ARHGEF12: variants seen among roughly 807,000 people sequenced by gnomAD.
ARHGEF12 encodes KMT2A/ARHGEF12 fusion protein.
In ARHGEF12, 66 loss-of-function variants were observed where a neutral mutation model predicts 211.2. The observed-to-expected ratio is 0.31, with a 90% CI of 0.26 to 0.38. The LOEUF (loss-of-function observed/expected upper bound fraction) is 0.38. Ranked by LOEUF, ARHGEF12 falls within the 10% of genes least tolerant of loss-of-function variation. The pLI, the probability that ARHGEF12 is intolerant of heterozygous loss-of-function variation, is 1.00. For missense variants in ARHGEF12, 1,429 were observed against 1,869.5 expected, an observed-to-expected ratio of 0.76 and a Z score of 4.34; for synonymous variants, 592 against 638.4, an observed-to-expected ratio of 0.93 and a Z score of 1.09.
chr11:120,358,280 A>G (rs4938802), intron 1 of ARHGEF12, among the ~76,000 whole-genome samples: 29,485 of 152,074 alleles, frequency 0.19, 3,052 homozygotes, highest in African/African-American at 0.24. Flanking sequence ...GCGAAGAGAC[A>G]AAGTTATTAA....
chr11:120,441,567 A>G (rs1383382303), intron 13 of ARHGEF12, 140 bp from the exon 14 acceptor site: 28 of 612,794 alleles, frequency 4.6e-5, no homozygotes, highest in Middle Eastern at 3.9e-4. Flanking sequence ...TTGCTAATAA[A>G]TTTTAGTGAA....
intron 1 of ARHGEF12, among the ~76,000 whole-genome samples, chr11:120,352,260 A>T (rs1438390211): frequency 6.6e-6 from 1 of 152,220 alleles, no homozygotes; most frequent in Admixed American, 6.5e-5. Flanking sequence ...ATATATACAC[A>T]TCTGTAAACA....
chr11:120,365,813 C>T (rs563150008), intron 1 of ARHGEF12: 1 of 152,292 alleles, frequency 6.6e-6, no homozygotes, highest in Non-Finnish European at 1.5e-5. Context: ...AAAAGGGCAC[C>T]TCCCAAGTAG....
intron 1 of ARHGEF12, among the ~76,000 whole-genome samples, chr11:120,395,784 AC>A (rs1273677499): frequency 6.6e-6 from 1 of 151,598 alleles, no homozygotes; most frequent in Non-Finnish European, 1.5e-5. Flanking sequence ...TGATTCAATT[AC>A]CTCCCACCAG....
Position 120,437,389 on chromosome 11 carries a change from A to G in ARHGEF12, c.999+7A>G, listed in dbSNP as rs747906162. 6.2e-7 allele frequency: 1 copy of G among 1,606,276 alleles called. No individual in the cohort carries two copies. Among genetic ancestry groups the G allele is most frequent in the Non-Finnish European group, 8.5e-7 (1 of 1,174,490 alleles). On this transcript the variant is annotated splice_region_variant and intron_variant, in intron 12 of 40. Coordinates refer to ENST00000397843, the MANE Select transcript of ARHGEF12 (RefSeq NM_015313.3). ...TGAAACAATTCAGGACACTGTGAGT[A>G]TGAAATCCATGCAATGATAGTGCTG...
At chr11:120,396,299 A>G (rs1457072887) in intron 1 of ARHGEF12, among the ~76,000 whole-genome samples, 1 of 152,230 alleles carries the variant, frequency 6.6e-6, no homozygotes. Context: ...TTCAAATAGT[A>G]TACGTAGATT....
chr11:120,446,989 T>C lies in ARHGEF12; in HGVS notation c.1493T>C (p.Leu498Pro). 6.2e-7 allele frequency: 1 copy of C among 1,614,176 alleles called. No homozygotes were observed. Among genetic ancestry groups the C allele is most frequent in the Non-Finnish European group, 8.5e-7 (1 of 1,180,018 alleles). The change falls in exon 18 of 41, where the codon CTG becomes CCG. Residue 498 changes from leucine (L) to proline (P), a missense_variant. Leu to Pro is a moderately conservative substitution (Grantham distance 98). Transcript: ENST00000397843. ...SMGLTLAESELTKLDAERDKD... is the reference protein window; with the variant it reads ...SMGLTLAESEPTKLDAERDKD... ...GGACTGACCTTGGCTGAAAGCGAGC[T>C]GACTAAACTTGATGCAGAGCGAGAC...
rs181828083 is a variant in ARHGEF12 at position 120,445,192 on chromosome 11, C to A, written c.1303-230C>A. On this transcript the variant is annotated intron_variant, in intron 15 of 40. Coordinates refer to ENST00000397843, the MANE Select transcript of ARHGEF12 (RefSeq NM_015313.3). ...AGAAGCATTCAGTCATCTAGCTAAA[C>A]GACTGTAGACTTTTCCTTTATAGCA... 5.3e-5 allele frequency among the ~76,000 whole-genome samples: 8 copies of A among 152,260 alleles called. No homozygotes were observed. The East Asian group carries it at 1.5e-3, about 29-fold the overall frequency.
chr11:120,443,195 T>C (rs1945935784), intron 15 of ARHGEF12, among the ~76,000 whole-genome samples: 1 of 152,042 alleles, frequency 6.6e-6, no homozygotes, highest in South Asian at 2.1e-4. Flanking sequence ...CTAATTTTTG[T>C]ATTTTGTAGA....
chr11:120,408,051 A>G, intron 3 of ARHGEF12: 1 of 389,744 alleles, frequency 2.6e-6, no homozygotes, highest in Non-Finnish European at 4.5e-6. Flanking sequence ...AGTATATTGT[A>G]TCTTTAAATA....
intron 1 of ARHGEF12, among the ~76,000 whole-genome samples, chr11:120,391,664 C>T (rs371923070): frequency 6.6e-6 from 1 of 152,308 alleles, no homozygotes; most frequent in Admixed American, 6.5e-5. Flanking sequence ...TACCAGATTG[C>T]CTCTCAGTAT....
chr11:120,455,495 A>G (rs375454590), intron 22 of ARHGEF12, among the ~76,000 whole-genome samples: 1 of 152,234 alleles, frequency 6.6e-6, no homozygotes, highest in African/African-American at 2.4e-5. Context: ...CTATTCATCA[A>G]ATATGAAGAA....
chr11:120,345,490 TC>T (rs1486520832), intron 1 of ARHGEF12, among the ~76,000 whole-genome samples: 1 of 151,722 alleles, frequency 6.6e-6, no homozygotes, highest in African/African-American at 2.4e-5. Flanking sequence ...GTTCAGGAGG[TC>T]AGGAGATCAA....
At chr11:120,412,725 A>T (rs563517405) in intron 4 of ARHGEF12, among the ~76,000 whole-genome samples, 1 of 152,304 alleles carries the variant, frequency 6.6e-6, no homozygotes, top group Admixed American at 6.5e-5. Context: ...ACTGGAGTTC[A>T]TCATTGTTCT....
chr11:120,391,663 G>T (rs1226347337), intron 1 of ARHGEF12, among the ~76,000 whole-genome samples: 1 of 152,328 alleles, frequency 6.6e-6, no homozygotes, highest in Admixed American at 6.5e-5. Flanking sequence ...TTACCAGATT[G>T]CCTCTCAGTA....
intron 1 of ARHGEF12, among the ~76,000 whole-genome samples, chr11:120,347,151 C>CTTTCTTTCTTTCTTTCTTTCTCT (rs1296663235): frequency 1.7e-5 from 1 of 58,512 alleles, no homozygotes; most frequent in African/African-American, 8.4e-5. Flanking sequence ...TTCCTTCCTT[C>CTTTCTTTCTTTCTTTCTTTCTCT]CTTCCTTCCT....
At chr11:120,459,370 A>G in intron 26 of ARHGEF12, 50 bp downstream of exon 26, 1 of 1,574,826 alleles carries the variant, frequency 6.3e-7, no homozygotes, top group Non-Finnish European at 8.6e-7. Context: ...CAATAGAGAA[A>G]AGATTGTGAG....
rs368721557 is a variant in ARHGEF12 at position 120,489,561 on chromosome 11, C to T, written c.*4484C>T. On this transcript the variant is annotated 3_prime_UTR_variant, in exon 41 of 41. Coordinates refer to ENST00000397843, the MANE Select transcript of ARHGEF12 (RefSeq NM_015313.3). Reference sequence around the variant, plus strand: ...CAACAGCATTTTAGCTCAGAAGGCTCGCTTACTTTGGGCATTTGCTGTATT... The same window carrying T: ...CAACAGCATTTTAGCTCAGAAGGCTTGCTTACTTTGGGCATTTGCTGTATT... 1.4e-4 allele frequency: 30 copies of T among 218,990 alleles called. No homozygotes were observed. Among genetic ancestry groups the T allele is most frequent in the African/African-American group, 6.5e-4 (29 of 44,634 alleles). 13.6% of individuals were successfully genotyped at this position (218,990 alleles called of 1,614,324 possible).
chr11:120,374,241 G>A (rs1295694598), intron 1 of ARHGEF12, among the ~76,000 whole-genome samples: 1 of 152,164 alleles, frequency 6.6e-6, no homozygotes, highest in Non-Finnish European at 1.5e-5. Context: ...TAGGAGAGAT[G>A]TTATGACTTT....
Sources: gnomAD v4.1 joint callset for allele counts (sites outside exome capture counted in the v4.1 genomes callset) on GRCh38, gnomAD v4.1.1 for gene constraint, MANE v1.5 for transcripts, NCBI Gene and HGNC (gene_info 2026-07-23, HGNC 2026-07-21) for gene names.